The following C3orf49 variants were observed in gnomAD, a reference collection of about 807,000 sequenced individuals.
C3orf49 encodes the protein chromosome 3 open reading frame 49.
In C3orf49, 27 loss-of-function variants were observed where a neutral mutation model predicts 13.3. That is an observed-to-expected ratio of 2.02 (90% CI 1.49 to 2.79). The LOEUF (loss-of-function observed/expected upper bound fraction) is 2.79. Ranked by LOEUF, C3orf49 falls within the 30% of genes most tolerant of loss-of-function variation. The pLI, the probability that C3orf49 is intolerant of heterozygous loss-of-function variation, is 0.00. For synonymous variants in C3orf49, 87 were observed against 47.6 expected (o/e 1.83, Z -3.40); for missense variants, 242 against 134.2 (o/e 1.80, Z -3.97).
chr3:63,834,855 G>C (rs1234669615), intron 5 of C3orf49, among the ~76,000 whole-genome samples: 1 of 152,048 alleles, frequency 6.6e-6, no homozygotes, highest in East Asian at 1.9e-4. Context: ...CCTGGGTCCT[G>C]AGTTGTTATA....
chr3:63,840,581 C>T (rs1006675923), intron 5 of C3orf49, among the ~76,000 whole-genome samples: 8 of 152,004 alleles, frequency 5.3e-5, no homozygotes, highest in Non-Finnish European at 2.9e-5. Context: ...GGCAACAAAG[C>T]GAGATGCTGT....
chr3:63,793,201 A>T, the C3orf49 span, among the ~76,000 whole-genome samples: 4 of 152,190 alleles, frequency 2.6e-5, no homozygotes, highest in Admixed American at 6.5e-5. Flanking sequence ...CTAAGAGACT[A>T]GTCTCAAGCA....
chr3:63,838,470 G>A lies in C3orf49; in HGVS notation c.850-6553G>A, dbSNP rs745955974. 2.2e-5 allele frequency: 35 copies of A among 1,609,426 alleles called. No homozygotes were observed. Among genetic ancestry groups the A allele is most frequent in the Non-Finnish European group, 2.6e-5 (31 of 1,178,694 alleles). Reference sequence around the variant, plus strand: ...CATTGAAAATTCACATTGAGACAGCGTGCTCAGCATACGTTGGTACTGGCT... The same window carrying A: ...CATTGAAAATTCACATTGAGACAGCATGCTCAGCATACGTTGGTACTGGCT... On this transcript the variant is annotated intron_variant, in intron 5 of 6. Transcript: ENST00000295896.
intron 5 of C3orf49, among the ~76,000 whole-genome samples, chr3:63,836,606 G>A (rs542421116): frequency 1.6e-4 from 24 of 151,910 alleles, no homozygotes; most frequent in African/African-American, 1.7e-4. Flanking sequence ...TGGACAGAAC[G>A]TAAGAGGTCA....
chr3:63,838,167 A>G (rs1487433279), intron 5 of C3orf49: 1 of 1,113,842 alleles, frequency 9.0e-7, no homozygotes, highest in Non-Finnish European at 1.3e-6. Flanking sequence ...CAAAATAGAC[A>G]CTAGTATTTT....
the C3orf49 span, among the ~76,000 whole-genome samples, chr3:63,799,528 A>G: frequency 1.3e-5 from 2 of 152,180 alleles, no homozygotes; most frequent in African/African-American, 2.4e-5. Context: ...ATTATTTTCT[A>G]TCAATTCATT....
At chr3:63,841,285 T>C (rs141153645) in intron 5 of C3orf49, among the ~76,000 whole-genome samples, 2 of 152,212 alleles carry the variant, frequency 1.3e-5, no homozygotes, top group Non-Finnish European at 2.9e-5. Flanking sequence ...AAGAAACTTG[T>C]AATAGCGGTT....
the C3orf49 span, among the ~76,000 whole-genome samples, chr3:63,783,846 A>G: frequency 6.6e-6 from 1 of 152,102 alleles, no homozygotes; most frequent in Admixed American, 6.6e-5. Context: ...CCTGTGGTCT[A>G]GCTGAATGCT....
intron 1 of C3orf49, 125 bp downstream of exon 1, chr3:63,819,721 T>C (rs1327082952): frequency 3.3e-6 from 2 of 604,576 alleles, no homozygotes; most frequent in Non-Finnish European, 5.9e-6. Flanking sequence ...GGGTACTGCG[T>C]TGGATCAAGA....
At chr3:63,820,880 C>T (rs981028739) in intron 1 of C3orf49, among the ~76,000 whole-genome samples, 2 of 152,058 alleles carry the variant, frequency 1.3e-5, no homozygotes, top group Admixed American at 1.3e-4. Context: ...TTTTGCAGAA[C>T]CCTGCCCTTG....
At chr3:63,798,497 G>T in the C3orf49 span, among the ~76,000 whole-genome samples, 1 of 152,050 alleles carries the variant, frequency 6.6e-6, no homozygotes, top group African/African-American at 2.4e-5. Flanking sequence ...TTAACATGGG[G>T]ATTTAATATA....
intron 5 of C3orf49, chr3:63,836,506 G>C: frequency 1.4e-6 from 1 of 708,488 alleles, no homozygotes; most frequent in East Asian, 2.7e-5. Flanking sequence ...GCCAGTTTTA[G>C]TTAACTGAGT....
At chr3:63,811,144 G>C in the C3orf49 span, among the ~76,000 whole-genome samples, 1 of 151,968 alleles carries the variant, frequency 6.6e-6, no homozygotes, top group Non-Finnish European at 1.5e-5. Context: ...CACCATATTC[G>C]GTCCAAACTG....
chr3:63,837,279 A>G (rs1320342963), intron 5 of C3orf49, among the ~76,000 whole-genome samples: 1 of 152,020 alleles, frequency 6.6e-6, no homozygotes, highest in African/African-American at 2.4e-5. Flanking sequence ...ATAACCATTA[A>G]CATTTTCTAT....
the C3orf49 span, among the ~76,000 whole-genome samples, chr3:63,801,416 G>A: frequency 6.6e-6 from 1 of 152,066 alleles, no homozygotes; most frequent in Non-Finnish European, 1.5e-5. Context: ...AAGCAAAAGA[G>A]GCATGGTCCC....
chr3:63,821,185 G>C (rs112264473), intron 1 of C3orf49, among the ~76,000 whole-genome samples: 9 of 152,114 alleles, frequency 5.9e-5, no homozygotes, highest in Non-Finnish European at 1.3e-4. Flanking sequence ...GAATTGTCCT[G>C]AGTTAAACCA....
chr3:63,822,660 TAAA>T (rs1701413642), intron 1 of C3orf49, among the ~76,000 whole-genome samples: 1 of 152,228 alleles, frequency 6.6e-6, no homozygotes, highest in Non-Finnish European at 1.5e-5. Context: ...TTGTGTATAA[TAAA>T]ATATGCCAAA....
At chr3:63,780,285 C>A in the C3orf49 span, among the ~76,000 whole-genome samples, 1 of 152,116 alleles carries the variant, frequency 6.6e-6, no homozygotes, top group Non-Finnish European at 1.5e-5. Context: ...ATGATGGTTT[C>A]CAGCTTCATC....
At chr3:63,779,793 A>G in the C3orf49 span, 1 of 152,310 alleles carries the variant, frequency 6.6e-6, no homozygotes, top group Middle Eastern at 3.4e-3. Context: ...ATACGGTAGG[A>G]TATATAATTT....
Sources: allele counts gnomAD v4.1 joint callset (sites outside exome capture counted in the v4.1 genomes callset), GRCh38; gene constraint gnomAD v4.1.1; transcripts MANE v1.5; gene names NCBI Gene and HGNC (gene_info 2026-07-23, HGNC 2026-07-21).